Variants in HIPK2 observed in about 807,000 individuals in gnomAD.
HIPK2 encodes homeodomain-interacting protein kinase 2.
A neutral mutation model predicts 113.7 loss-of-function variants in HIPK2; 27 were observed. That is an observed-to-expected ratio of 0.24 (90% confidence interval 0.17 to 0.33). The LOEUF is 0.33. HIPK2 is among the 10% of genes least tolerant of loss of function. HIPK2 has a pLI of 1.00. For synonymous variants in HIPK2, 631 were observed against 642.2 expected (o/e 0.98, Z 0.26); for missense variants, 1,257 against 1,588.0 (o/e 0.79, Z 3.54).
intron 1 of HIPK2, among the ~76,000 whole-genome samples, chr7:139,752,552 A>G (rs919915107): frequency 6.6e-5 from 10 of 151,952 alleles, no homozygotes; most frequent in African/African-American, 2.4e-4. Context: ...AAGCACCCCA[A>G]GCTAACTTAT....
At chr7:139,731,106 A>T (rs1388519417) in intron 1 of HIPK2, among the ~76,000 whole-genome samples, 1 of 152,254 alleles carries the variant, frequency 6.6e-6, no homozygotes, top group African/African-American at 2.4e-5. Context: ...CAGTCACCCT[A>T]TGAAACTAGT....
intron 2 of HIPK2, among the ~76,000 whole-genome samples, chr7:139,669,446 T>C (rs897975050): frequency 6.6e-6 from 1 of 152,246 alleles, no homozygotes; most frequent in Non-Finnish European, 1.5e-5. Flanking sequence ...TCTTAAAAAG[T>C]TGTCTTCTTG....
intron 1 of HIPK2, among the ~76,000 whole-genome samples, chr7:139,764,204 A>T (rs1455324206): frequency 6.6e-6 from 1 of 152,248 alleles, no homozygotes; most frequent in Non-Finnish European, 1.5e-5. Context: ...CCAACGTACA[A>T]CATCTACCAA....
Position 139,626,922 on chromosome 7 carries a change from A to G in HIPK2, c.1435-137T>C, listed in dbSNP as rs893019175. The G allele has an allele frequency of 1.7e-5, 15 of 904,318 alleles. 1 individual carries two copies. The Admixed American group carries it at 3.2e-4, about 19-fold the overall frequency. 56.0% of individuals were successfully genotyped at this position (904,318 alleles called of 1,614,324 possible). On this transcript the variant is annotated intron_variant, in intron 5 of 14. Coordinates refer to ENST00000406875, the MANE Select transcript of HIPK2 (RefSeq NM_022740.5). ...CTCAGTTCCCAGGAACTCTGCCCCT[A>G]TGGGAGGCACCACCCACATGTTGTC...
Position 139,777,792 on chromosome 7 carries a change from G to A in HIPK2, c.-169C>T. On this transcript the variant is annotated 5_prime_UTR_variant, in exon 1 of 15. Coordinates refer to ENST00000406875, the MANE Select transcript of HIPK2 (RefSeq NM_022740.5). ...CCGCCTCCCGTGGCCGGCGCCGGGG[G>A]AGGGGGCCGGGCGCGCCGCCGCCGC... 3.9e-6 allele frequency: 2 copies of A among 517,326 alleles called. No homozygotes were observed. The highest frequency in any genetic ancestry group is 5.0e-6 in the Non-Finnish European group (2 of 403,808). 32.0% of individuals were successfully genotyped at this position (517,326 alleles called of 1,614,324 possible).
intron 13 of HIPK2, among the ~76,000 whole-genome samples, chr7:139,582,168 G>C (rs369235596): frequency 5.0e-4 from 76 of 152,306 alleles, no homozygotes; most frequent in South Asian, 1.0e-3. Flanking sequence ...TGTCCTTGTA[G>C]CCTTGTGGAA....
intron 2 of HIPK2, among the ~76,000 whole-genome samples, chr7:139,706,073 G>A (rs946379624): frequency 2.0e-5 from 3 of 152,222 alleles, no homozygotes; most frequent in Non-Finnish European, 4.4e-5. Flanking sequence ...AGGTGACTCA[G>A]CCAGGTCTTG....
chr7:139,667,823 C>G (rs1802100420), intron 2 of HIPK2, among the ~76,000 whole-genome samples: 1 of 151,944 alleles, frequency 6.6e-6, no homozygotes, highest in East Asian at 1.9e-4. Flanking sequence ...TAGGTAAGAA[C>G]AAAGAAAGCA....
At chr7:139,753,026 A>G (rs1309727396) in intron 1 of HIPK2, among the ~76,000 whole-genome samples, 1 of 152,210 alleles carries the variant, frequency 6.6e-6, no homozygotes, top group Non-Finnish European at 1.5e-5. Flanking sequence ...AGGCTTGGGC[A>G]AGCACAGGTA....
At chr7:139,644,825 A>T (rs983222473) in intron 2 of HIPK2, among the ~76,000 whole-genome samples, 1 of 152,176 alleles carries the variant, frequency 6.6e-6, no homozygotes, top group Non-Finnish European at 1.5e-5. Context: ...TCTTCACTTT[A>T]TTCAGCCTGG....
chr7:139,633,431 C>T (rs1435715076), intron 2 of HIPK2, among the ~76,000 whole-genome samples: 1 of 152,114 alleles, frequency 6.6e-6, no homozygotes, highest in East Asian at 1.9e-4. Flanking sequence ...CATTGCTAAT[C>T]TTTTTTCTTT....
intron 12 of HIPK2, among the ~76,000 whole-genome samples, chr7:139,584,612 T>C (rs192778343): frequency 3.9e-4 from 60 of 152,376 alleles, no homozygotes; most frequent in African/African-American, 1.3e-3. Flanking sequence ...GGGGGCTGCA[T>C]GCACACAGCA....
chr7:139,715,783 A>G (rs1206824459), intron 2 of HIPK2, 149 bp downstream of exon 2: 3 of 1,122,170 alleles, frequency 2.7e-6, no homozygotes, highest in African/African-American at 1.6e-5. Flanking sequence ...CAATGTGCAC[A>G]TGTCCTAATT....
chr7:139,654,916 G>A (rs1585334555), intron 2 of HIPK2, among the ~76,000 whole-genome samples: 1 of 152,314 alleles, frequency 6.6e-6, no homozygotes, highest in Non-Finnish European at 1.5e-5. Context: ...AGGGATTCCT[G>A]CGAGTGGGAG....
chr7:139,628,888 TTGCAGAAGTCTTGC>T, intron 5 of HIPK2, 51 bp downstream of exon 5: 1 of 1,355,780 alleles, frequency 7.4e-7, no homozygotes, highest in Non-Finnish European at 1.0e-6. Flanking sequence ...TCTATTACTA[TTGCAGAAGTCTTGC>T]TGCCCTTGGT....
intron 2 of HIPK2, among the ~76,000 whole-genome samples, chr7:139,690,972 C>A (rs1794388463): frequency 6.6e-6 from 1 of 152,208 alleles, no homozygotes; most frequent in African/African-American, 2.4e-5. Context: ...CAATCTCGGC[C>A]TGGGAAGCCT....
Position 139,613,240 on chromosome 7 carries a change from C to T in HIPK2, c.2074G>A (p.Ala692Thr). ...AVPIVTQAPG[A>T]QPLQIQPGLL... ...CCTGGTTGGATCTGAAGAGGCTGAG[C>T]TCCTGGGGCTTGAGTGACGATGGGA... Residue 692 changes from alanine (A) to threonine (T), a missense_variant, in exon 9 of 15, where the codon GCT becomes ACT. This residue lies in a region of HIPK2 where 862 missense variants were observed against 1,004.3 expected (regional missense o/e 0.86). Transcript: ENST00000406875. The surrounding 1 kb of genome is among the most constrained non-coding windows in gnomAD (Gnocchi z 4.2). 6.2e-7 allele frequency: 1 copy of T among 1,613,872 alleles called. No individual in the cohort carries two copies. Among genetic ancestry groups the T allele is most frequent in the Non-Finnish European group, 8.5e-7 (1 of 1,179,856 alleles).
At chr7:139,580,360 G>C (rs1021651916) in intron 13 of HIPK2, among the ~76,000 whole-genome samples, 12 of 152,196 alleles carry the variant, frequency 7.9e-5, no homozygotes, top group Admixed American at 6.5e-4. Flanking sequence ...TGGGGGTTGA[G>C]TCAGAGCTTG....
At chr7:139,647,848 G>C (rs1801298662) in intron 2 of HIPK2, among the ~76,000 whole-genome samples, 1 of 152,196 alleles carries the variant, frequency 6.6e-6, no homozygotes, top group South Asian at 2.1e-4. Context: ...TTTTTGCCAA[G>C]GAAGAAAAGT....
Sources: allele counts gnomAD v4.1 joint callset (sites outside exome capture counted in the v4.1 genomes callset), GRCh38; gene constraint gnomAD v4.1.1; regional missense constraint gnomAD v4.1.1; non-coding constraint Gnocchi (gnomAD v3.1); transcripts MANE v1.5; gene names NCBI Gene and HGNC (gene_info 2026-07-23, HGNC 2026-07-21).